Variants in ITIH3 observed in about 807,000 individuals in gnomAD.
The protein encoded by ITIH3 is inter-alpha-trypsin inhibitor heavy chain H3.
In ITIH3, 81 loss-of-function variants were observed where a neutral mutation model predicts 96.5. The observed-to-expected ratio is 0.84, with a 90% CI of 0.70 to 1.01. The LOEUF is 1.01. Among genes scored for constraint, ITIH3 ranks in the 50% least tolerant of loss-of-function variants. The pLI, the probability that ITIH3 is intolerant of heterozygous loss-of-function variation, is 0.00. For synonymous variants in ITIH3, 422 were observed against 445.2 expected (o/e 0.95, Z 0.66); for missense variants, 1,057 against 1,139.3 (o/e 0.93, Z 1.04).
At position 52,806,113 on chromosome 3, in the gene ITIH3, GCCT is replaced by G; in HGVS notation, c.1922_1924del (p.Pro641del). The G allele has an allele frequency of 1.9e-6, 3 of 1,602,210 alleles. No homozygotes were observed. Among genetic ancestry groups the G allele is most frequent in the Non-Finnish European group, 2.6e-6 (3 of 1,174,344 alleles). On this transcript the variant is annotated inframe_deletion, in exon 17 of 22. Coordinates refer to ENST00000449956, the MANE Select transcript of ITIH3 (RefSeq NM_002217.4). ...CCTTTGTATCTGCAGCCAGCTACCA[GCCT>G]CCTCAAAACCCCTACTACTATGGTG...
intron 2 of ITIH3, 100 bp from the exon 3 acceptor site, chr3:52,796,381 G>A: frequency 2.0e-6 from 2 of 1,014,860 alleles, no homozygotes; most frequent in Non-Finnish European, 2.9e-6. Flanking sequence ...GCCGGGCAGG[G>A]GCCTCAGAGC....
At chr3:52,795,414 C>T (rs909861374) in intron 1 of ITIH3, among the ~76,000 whole-genome samples, 189 bp from the exon 2 acceptor site, 1 of 152,270 alleles carries the variant, frequency 6.6e-6, no homozygotes, top group African/African-American at 2.4e-5. Flanking sequence ...CTCAGTTTCC[C>T]CATCTATTCA....
In ITIH3 at chr3:52,798,993, G is replaced by C; in HGVS notation, c.691G>C (p.Asp231His). ...CCATGTGTCCTTCAAGCCCAGCTTA[G>C]ACCAACAGCGTTCATGCCCAACCTG... ...KGHVSFKPSL[D>H]QQRSCPTCTD... is the part of the protein sequence containing the mutation. Residue 231 changes from aspartate to histidine, a missense_variant, in exon 7 of 22, where the codon GAC (aspartate) becomes CAC (histidine). Transcript: ENST00000449956. 6.2e-7 allele frequency: 1 copy of C among 1,613,566 alleles called. No homozygotes were observed.
chr3:52,795,674 G>A, intron 2 of ITIH3, 51 bp downstream of exon 2: 1 of 1,575,564 alleles, frequency 6.3e-7, no homozygotes, highest in Non-Finnish European at 8.7e-7. Context: ...GCAGGATGGA[G>A]CTGGTTCCCC....
At chr3:52,808,268 G>A (rs1218305752) in intron 21 of ITIH3, 47 bp downstream of exon 21, 2 of 1,481,654 alleles carry the variant, frequency 1.3e-6, no homozygotes, top group Admixed American at 1.7e-5. Flanking sequence ...AACGAGAGGA[G>A]GAAAGAGCAC....
intron 6 of ITIH3, 87 bp downstream of exon 6, chr3:52,798,017 G>A: frequency 1.3e-6 from 1 of 776,812 alleles, no homozygotes; most frequent in Non-Finnish European, 2.1e-6. Context: ...GGGCTTAGCT[G>A]CTGCAAGCAT....
chr3:52,804,757 G>A lies in ITIH3; in HGVS notation c.1873+23G>A, dbSNP rs748934816. ...AAGGTAAGCCTTTAGCCAGCCACCG[G>A]GTTGGGCATTATGGAAGGGAGACAA... On this transcript the variant is annotated intron_variant, in intron 15 of 21. Transcript: ENST00000449956. 14 of 1,586,220 alleles carry A rather than the reference G, an allele frequency of 8.8e-6. No homozygotes were observed. The Admixed American group carries it at 1.8e-4, about 20-fold the overall frequency.
intron 1 of ITIH3, among the ~76,000 whole-genome samples, chr3:52,795,191 C>T (rs1391059201): frequency 2.6e-5 from 4 of 152,228 alleles, no homozygotes; most frequent in East Asian, 1.9e-4. Flanking sequence ...AAGTCTCAAA[C>T]GAGTGTGACC....
chr3:52,795,879 T>C, intron 2 of ITIH3: 1 of 501,594 alleles, frequency 2.0e-6, no homozygotes, highest in Non-Finnish European at 3.5e-6. Context: ...GACACTTCCT[T>C]AGCACTTGCT....
chr3:52,796,966 C>A (rs983622617), intron 4 of ITIH3, 123 bp downstream of exon 4: 16 of 1,233,542 alleles, frequency 1.3e-5, no homozygotes, highest in African/African-American at 3.0e-5. Flanking sequence ...TTGCCATTAT[C>A]CCACGTTGAG....
intron 8 of ITIH3, 94 bp downstream of exon 8, chr3:52,799,582 A>G: frequency 9.2e-7 from 1 of 1,086,640 alleles, no homozygotes; most frequent in South Asian, 1.6e-5. Context: ...TTTGTGGTGA[A>G]TGAGGAGAAA....
rs763918615 is a variant in ITIH3, at chr3:52,807,054, C to A, written c.2210C>A (p.Ala737Asp). ...TTEKITLWNRAVPSTFSWLDT... is the reference protein window; with the variant it reads ...TTEKITLWNRDVPSTFSWLDT... ...GAGAAGATCACCCTGTGGAACAGGG[C>A]CGTGCCGAGCACTTTCAGCTGGCTG... The change falls in exon 19 of 22, where the codon GCC (alanine) becomes GAC (aspartate). Residue 737 changes from alanine to aspartate, a missense_variant. Ala to Asp is a moderately radical substitution (Grantham distance 126, BLOSUM62 -2). Coordinates refer to ENST00000449956, the MANE Select transcript of ITIH3 (RefSeq NM_002217.4). 8 of 1,600,234 alleles carry A rather than the reference C, an allele frequency of 5.0e-6. No homozygotes were observed. In the East Asian group the frequency reaches 9.1e-5, roughly 18 times the overall value.
Position 52,808,166 on chromosome 3 carries a change from C to G in ITIH3, c.2488C>G (p.Pro830Ala). 6.2e-7 allele frequency: 1 copy of G among 1,614,190 alleles called. No individual in the cohort carries two copies. Among genetic ancestry groups the G allele is most frequent in the Non-Finnish European group, 8.5e-7 (1 of 1,180,028 alleles). ...KVSDIRPGSDPTKPDATLVVK... is the reference protein window; with the variant it reads ...KVSDIRPGSDATKPDATLVVK... ...GTCTGACATCCGGCCAGGCTCTGAC[C>G]CCACAAAGCCAGATGCCACATTGGT... Residue 830 changes from proline to alanine, a missense_variant, in exon 21 of 22, where the codon CCC (proline) becomes GCC (alanine). Pro to Ala is a conservative substitution (Grantham distance 27). Coordinates refer to ENST00000449956, the MANE Select transcript of ITIH3 (RefSeq NM_002217.4).
At chr3:52,806,014 A>G in intron 16 of ITIH3, 89 bp from the exon 17 acceptor site, 1 of 1,489,762 alleles carries the variant, frequency 6.7e-7, no homozygotes. Context: ...AGGGGAGGGG[A>G]GGGGCATAAG....
intron 16 of ITIH3, 49 bp downstream of exon 16, chr3:52,805,889 C>G: frequency 1.9e-6 from 3 of 1,602,506 alleles, no homozygotes; most frequent in Non-Finnish European, 2.6e-6. Context: ...TAGAGCCTGC[C>G]CCTGCCACAT....
intron 15 of ITIH3, chr3:52,805,191 TTGC>T (rs1699992211): frequency 1.7e-6 from 1 of 588,880 alleles, no homozygotes; most frequent in Non-Finnish European, 2.2e-6. Context: ...ATGCTGGGAA[TTGC>T]TGGGGATCAC....
intron 13 of ITIH3, 23 bp downstream of exon 13, chr3:52,802,829 C>T (rs747229749): frequency 3.1e-6 from 5 of 1,612,830 alleles, no homozygotes; most frequent in African/African-American, 2.7e-5. Context: ...CCAGCCCCCA[C>T]CTGTGCCTAC....
chr3:52,798,986 C>A lies in ITIH3; in HGVS notation c.684C>A (p.Pro228=). Reference sequence around the variant, plus strand: ...CTTAGGGCCATGTGTCCTTCAAGCCCAGCTTAGACCAACAGCGTTCATGCC... The same window carrying A: ...CTTAGGGCCATGTGTCCTTCAAGCCAAGCTTAGACCAACAGCGTTCATGCC... ...SGKKGHVSFK[P]SLDQQRSCPT... is the part of the protein sequence containing the mutation. The change falls in exon 7 of 22, where the codon CCC becomes CCA. Residue 228 remains proline (P), a synonymous_variant. Transcript: ENST00000449956. The A allele has an allele frequency of 6.2e-7, 1 of 1,613,476 alleles. No individual in the cohort carries two copies. Among genetic ancestry groups the A allele is most frequent in the East Asian group, 2.2e-5 (1 of 44,880 alleles).
At chr3:52,808,250 T>C in intron 21 of ITIH3, 29 bp downstream of exon 21, 1 of 1,565,310 alleles carries the variant, frequency 6.4e-7, no homozygotes, top group Non-Finnish European at 8.8e-7. Flanking sequence ...CACCCTCACC[T>C]GCTCAGCAAC....
Sources: gnomAD v4.1 joint callset for allele counts (sites outside exome capture counted in the v4.1 genomes callset) on GRCh38, gnomAD v4.1.1 for gene constraint, MANE v1.5 for transcripts, NCBI Gene and HGNC (gene_info 2026-07-23, HGNC 2026-07-21) for gene names.